Variants in SEC24A observed in about 807,000 individuals in gnomAD.
SEC24A encodes protein transport protein Sec24A.
In SEC24A, 93 loss-of-function variants were observed where a neutral mutation model predicts 129.4. That is an observed-to-expected ratio of 0.72 (90% confidence interval 0.61 to 0.85). The LOEUF (loss-of-function observed/expected upper bound fraction) is 0.85. Ranked by LOEUF, SEC24A falls within the 40% of genes least tolerant of loss-of-function variation. The pLI, the probability that SEC24A is intolerant of heterozygous loss-of-function variation, is 0.00. For missense variants in SEC24A, 1,264 were observed against 1,307.4 expected (o/e 0.97, Z 0.51); for synonymous variants, 460 against 467.3 (o/e 0.98, Z 0.20).
chr5:134,718,430 A>T (rs528229767), intron 20 of SEC24A, among the ~76,000 whole-genome samples: 2 of 151,994 alleles, frequency 1.3e-5, no homozygotes, highest in African/African-American at 4.8e-5. Flanking sequence ...TTTGGAATGT[A>T]CTCCTACTTA....
chr5:134,720,005 A>G (rs537328790), intron 20 of SEC24A, among the ~76,000 whole-genome samples: 1 of 152,252 alleles, frequency 6.6e-6, no homozygotes, highest in Non-Finnish European at 1.5e-5. Flanking sequence ...AATTAAAAGA[A>G]GTTTATAAAG....
intron 4 of SEC24A, among the ~76,000 whole-genome samples, chr5:134,673,437 G>C (rs976946642): frequency 1.2e-4 from 18 of 152,036 alleles, no homozygotes; most frequent in African/African-American, 4.1e-4. Context: ...TAAATTAACT[G>C]TTCTTTTGTT....
chr5:134,705,090 A>ATATATATATATTTTT (rs1180461537), intron 16 of SEC24A, among the ~76,000 whole-genome samples: 22 of 123,294 alleles, frequency 1.8e-4, no homozygotes, highest in African/African-American at 6.3e-4. Flanking sequence ...ATATATATAT[A>ATATATATATATTTTT]TTTTTTTTTT....
intron 12 of SEC24A, chr5:134,693,236 AT>A (rs1367356895): frequency 5.4e-6 from 8 of 1,474,376 alleles, no homozygotes; most frequent in Admixed American, 2.3e-5. Context: ...AGTGCGAAGT[AT>A]TTTTTTCCCC....
chr5:134,708,565 T>C (rs994679348), intron 17 of SEC24A, 148 bp from the exon 18 acceptor site: 8 of 663,432 alleles, frequency 1.2e-5, no homozygotes, highest in Non-Finnish European at 2.0e-5. Flanking sequence ...ACCATGCTTT[T>C]AGCTGCTGTG....
intron 4 of SEC24A, among the ~76,000 whole-genome samples, chr5:134,672,966 C>A (rs544443203): frequency 1.3e-5 from 2 of 151,636 alleles, no homozygotes; most frequent in African/African-American, 4.8e-5. Context: ...GGTCTCGAAC[C>A]CTTGGCTTGA....
intron 4 of SEC24A, among the ~76,000 whole-genome samples, chr5:134,672,465 G>A (rs918112161): frequency 4.6e-5 from 7 of 152,026 alleles, no homozygotes; most frequent in Non-Finnish European, 1.0e-4. Context: ...TGGGATTATA[G>A]GCATGAGCCA....
Position 134,686,797 on chromosome 5 carries a change from C to T in SEC24A, c.1499C>T (p.Pro500Leu). 1 of 1,585,840 alleles carries T rather than the reference C, an allele frequency of 6.3e-7. No homozygotes were observed. The highest frequency in any genetic ancestry group is 8.6e-7 in the Non-Finnish European group (1 of 1,166,898). ...FMAPSEYMLR[P>L]PQPPVYLFVF... ...AGATCTTTTTTTCTTCAGTTACGAC[C>T]ACCTCAGCCTCCAGTGTATCTCTTT... Residue 500 changes from proline (P) to leucine (L), a missense_variant, in exon 10 of 23, where the codon CCA becomes CTA. Physicochemically the swap from Pro to Leu is moderately conservative, Grantham distance 98. Transcript: ENST00000398844.
At chr5:134,714,036 C>T (rs768016720) in intron 18 of SEC24A, among the ~76,000 whole-genome samples, 120 of 150,024 alleles carry the variant, frequency 8.0e-4, no homozygotes, top group African/African-American at 2.0e-3. Flanking sequence ...AGGGAGGCTC[C>T]GTCACAAAAA....
intron 15 of SEC24A, among the ~76,000 whole-genome samples, chr5:134,700,625 C>T (rs983310433): frequency 6.6e-6 from 1 of 150,960 alleles, no homozygotes; most frequent in African/African-American, 2.4e-5. Context: ...ATCTGTTGGT[C>T]AAACCATGAG....
intron 1 of SEC24A, among the ~76,000 whole-genome samples, chr5:134,652,937 GGTGCCCGCCA>G (rs1262082446): frequency 8.6e-5 from 13 of 151,884 alleles, no homozygotes; most frequent in Non-Finnish European, 1.5e-5. Context: ...TGGGACAATA[GGTGCCCGCCA>G]CCACACCCGG....
intron 7 of SEC24A, among the ~76,000 whole-genome samples, chr5:134,676,377 A>C (rs542774705): frequency 6.8e-6 from 1 of 147,118 alleles, no homozygotes; most frequent in East Asian, 2.0e-4. Flanking sequence ...TGACCTCGTG[A>C]TCCACCTGCC....
At position 134,712,236 on chromosome 5, in the gene SEC24A, G is replaced by A. The variant is rs894181429; in HGVS notation, c.2728-2788G>A. Among the ~76,000 whole-genome samples the A allele has an allele frequency of 1.8e-4, 28 of 151,742 alleles. 2 individuals carry two copies. The highest frequency in any genetic ancestry group is 1.5e-5 in the Non-Finnish European group (1 of 67,938). On this transcript the variant is annotated intron_variant, in intron 18 of 22. Coordinates refer to ENST00000398844, the MANE Select transcript of SEC24A (RefSeq NM_021982.3). ...TTACTTTCTAGTAGGAGTGGCTTTT[G>A]AATCTACAGTTCTCATTTCTTTTTT... is the stretch of plus-strand genomic sequence containing the variant.
rs778045393 is a variant in SEC24A, at chr5:134,692,629, T to C, written c.1751T>C (p.Leu584Ser). 7.0e-7 allele frequency: 1 copy of C among 1,420,404 alleles called. No homozygotes were observed. Among genetic ancestry groups the C allele is most frequent in the South Asian group, 1.2e-5 (1 of 85,676 alleles). The allele number at this position is 1,420,404 out of a possible 1,614,324, so 88.0% of individuals were successfully genotyped here. A position where few individuals can be genotyped will look rare whatever the true frequency, so the allele number is the denominator to read the frequency against. Residue 584 changes from leucine (L) to serine (S), a missense_variant, in exon 12 of 23, where the codon TTA (leucine) becomes TCA (serine). Transcript: ENST00000398844. ...GTTTTTATACCTATGCCAGAGAACT[T>C]ATTAGTAAACTTAAATGAAAGTAAA... ...EDVFIPMPEN[L>S]LVNLNESKEL...
intron 14 of SEC24A, among the ~76,000 whole-genome samples, 196 bp downstream of exon 14, chr5:134,697,442 A>G (rs1250813530): frequency 1.3e-5 from 2 of 152,170 alleles, no homozygotes; most frequent in Non-Finnish European, 1.5e-5. Context: ...CTATTCTACT[A>G]TTTAAAGGAA....
intron 9 of SEC24A, among the ~76,000 whole-genome samples, chr5:134,683,778 G>A (rs931385372): frequency 7.9e-5 from 12 of 152,152 alleles, no homozygotes; most frequent in East Asian, 5.8e-4. Context: ...TATAAAGCAC[G>A]TACACTTTTG....
chr5:134,658,016 C>T (rs1431881857), intron 1 of SEC24A, among the ~76,000 whole-genome samples: 1 of 152,162 alleles, frequency 6.6e-6, no homozygotes, highest in African/African-American at 2.4e-5. Flanking sequence ...CGCCTGTAAT[C>T]CCAGCACTTT....
At chr5:134,658,258 G>A (rs535436015) in intron 1 of SEC24A, among the ~76,000 whole-genome samples, 44 of 152,226 alleles carry the variant, frequency 2.9e-4, no homozygotes, top group Admixed American at 1.3e-4. Context: ...GCAACAGAGC[G>A]AGACTCTGTC....
At chr5:134,649,784 C>G (rs190992923) in intron 1 of SEC24A, among the ~76,000 whole-genome samples, 18 of 152,350 alleles carry the variant, frequency 1.2e-4, no homozygotes, top group Admixed American at 1.0e-3. Flanking sequence ...GTGGACACAA[C>G]TCTCTGAATC....
Sources: gnomAD v4.1 joint callset for allele counts (sites outside exome capture counted in the v4.1 genomes callset) on GRCh38, gnomAD v4.1.1 for gene constraint, MANE v1.5 for transcripts, NCBI Gene and HGNC (gene_info 2026-07-23, HGNC 2026-07-21) for gene names.